Variants in LINGO2 observed in about 807,000 individuals in gnomAD.
LINGO2 encodes the protein leucine-rich repeat and immunoglobulin-like domain-containing nogo receptor-interacting protein 2.
LINGO2 carries 14 observed loss-of-function variants against 30.6 expected under a neutral mutation model. That is an observed-to-expected ratio of 0.46 (90% CI 0.30 to 0.72). LINGO2 has a LOEUF of 0.72. Ranked by LOEUF, LINGO2 falls within the 30% of genes least tolerant of loss-of-function variation. The pLI is 0.07. For synonymous variants in LINGO2, 317 were observed against 288.5 expected (o/e 1.10, Z -1.00); for missense variants, 729 against 751.7 (o/e 0.97, Z 0.35).
At chr9:28,793,768 A>G in the LINGO2 span, among the ~76,000 whole-genome samples, 2 of 152,148 alleles carry the variant, frequency 1.3e-5, no homozygotes, top group African/African-American at 4.8e-5. Context: ...TAGCAAAGAT[A>G]TCACCCTGGA....
At chr9:28,127,962 T>C (rs1349021660) in intron 4 of LINGO2, among the ~76,000 whole-genome samples, 2 of 152,164 alleles carry the variant, frequency 1.3e-5, no homozygotes, top group Non-Finnish European at 2.9e-5. Flanking sequence ...AGAGAGGAAA[T>C]TCAGTCATGC....
the LINGO2 span, among the ~76,000 whole-genome samples, chr9:28,826,464 A>G: frequency 6.6e-6 from 1 of 152,112 alleles, no homozygotes; most frequent in Non-Finnish European, 1.5e-5. Context: ...GGATATTGGG[A>G]TCTGCAGAAC....
chr9:29,062,617 T>C, the LINGO2 span, among the ~76,000 whole-genome samples: 1 of 152,098 alleles, frequency 6.6e-6, no homozygotes, highest in Non-Finnish European at 1.5e-5. Flanking sequence ...TTCACTTACA[T>C]GAGATGCCTA....
At chr9:28,313,912 A>T (rs1314781257) in intron 3 of LINGO2, among the ~76,000 whole-genome samples, 3 of 152,102 alleles carry the variant, frequency 2.0e-5, no homozygotes, top group African/African-American at 7.2e-5. Context: ...TGAGAATTTC[A>T]AACACTGTGA....
chr9:28,315,287 C>A (rs1448960655), intron 3 of LINGO2, among the ~76,000 whole-genome samples: 2 of 151,914 alleles, frequency 1.3e-5, no homozygotes, highest in East Asian at 3.9e-4. Flanking sequence ...CGCCTGTAAT[C>A]CTAGCTACTC....
rs185712660 is a variant in LINGO2, at chr9:28,038,464, C to T, written c.-86-26059G>A. ...ATCCCAGCACTTTGGGAGGCCGAGG[C>T]GGGCGGATCACGAGGTCAGGAGATC... On this transcript the variant is annotated intron_variant, in intron 4 of 5. Coordinates refer to ENST00000379992, the Ensembl canonical transcript of LINGO2. Among the ~76,000 whole-genome samples, 1,360 of 152,102 alleles carry T rather than the reference C, an allele frequency of 8.9e-3. 21 individuals carry two copies. The highest frequency in any genetic ancestry group is 0.03 in the African/African-American group (1,255 of 41,512).
chr9:29,078,263 A>G, the LINGO2 span, among the ~76,000 whole-genome samples: 1 of 151,954 alleles, frequency 6.6e-6, no homozygotes, highest in African/African-American at 2.4e-5. Flanking sequence ...TCATTTAGTT[A>G]GTGCTGAATG....
chr9:28,079,644 T>C (rs1165948273), intron 4 of LINGO2, among the ~76,000 whole-genome samples: 1 of 152,194 alleles, frequency 6.6e-6, no homozygotes, highest in Non-Finnish European at 1.5e-5. Context: ...CCAGGATAGA[T>C]GTGAGCTCCT....
At chr9:28,107,366 G>C (rs1238691011) in intron 4 of LINGO2, among the ~76,000 whole-genome samples, 1 of 151,876 alleles carries the variant, frequency 6.6e-6, no homozygotes, top group Non-Finnish European at 1.5e-5. Context: ...TTTTTCTTTG[G>C]TATTGCCATT....
the LINGO2 span, among the ~76,000 whole-genome samples, chr9:28,885,901 C>T: frequency 4.6e-5 from 7 of 152,214 alleles, no homozygotes; most frequent in East Asian, 1.4e-3. Context: ...AAACCAGATC[C>T]ACTTTCACTA....
At chr9:29,105,253 A>C in the LINGO2 span, among the ~76,000 whole-genome samples, 28 of 152,328 alleles carry the variant, frequency 1.8e-4, no homozygotes, top group African/African-American at 6.5e-4. Context: ...ATCTTTATCC[A>C]CATTATCAAT....
chr9:28,370,412 AT>A (rs200948351), intron 3 of LINGO2, among the ~76,000 whole-genome samples: 1 of 151,658 alleles, frequency 6.6e-6, no homozygotes, highest in Non-Finnish European at 1.5e-5. Flanking sequence ...TCCTTCAGTG[AT>A]TTTTTTTTCT....
At chr9:28,100,083 C>A (rs1402949040) in intron 4 of LINGO2, among the ~76,000 whole-genome samples, 2 of 152,158 alleles carry the variant, frequency 1.3e-5, no homozygotes, top group African/African-American at 4.8e-5. Context: ...TGTTTCAAAT[C>A]TGTTTTCCCA....
At chr9:28,720,070 G>C in the LINGO2 span, among the ~76,000 whole-genome samples, 1,019 of 152,070 alleles carry the variant, frequency 6.7e-3, 20 homozygotes, top group African/African-American at 0.023. Flanking sequence ...TGTAGCTGAA[G>C]TTATTTTCTT....
intron 1 of LINGO2, among the ~76,000 whole-genome samples, chr9:28,552,892 A>C (rs1428903572): frequency 6.6e-6 from 1 of 151,820 alleles, no homozygotes; most frequent in Non-Finnish European, 1.5e-5. Context: ...CATTAAAAAA[A>C]AAAAAATCTG....
chr9:28,982,748 A>T, the LINGO2 span, among the ~76,000 whole-genome samples: 1 of 152,058 alleles, frequency 6.6e-6, no homozygotes, highest in African/African-American at 2.4e-5. Flanking sequence ...CACAAAGGAG[A>T]ATTATTTCAT....
chr9:28,439,746 CT>C (rs954029879), intron 2 of LINGO2, among the ~76,000 whole-genome samples: 5 of 152,090 alleles, frequency 3.3e-5, no homozygotes, highest in Admixed American at 6.6e-5. Context: ...CCAATCAAAC[CT>C]TTTTTCTTCA....
At chr9:29,160,303 G>A in the LINGO2 span, among the ~76,000 whole-genome samples, 1 of 152,174 alleles carries the variant, frequency 6.6e-6, no homozygotes, top group East Asian at 1.9e-4. Flanking sequence ...ACTAGTTAAG[G>A]TTGTTTCTGA....
chr9:28,626,826 T>TGTG (rs1554647197), intron 1 of LINGO2, among the ~76,000 whole-genome samples: 9,334 of 150,600 alleles, frequency 0.062, 309 homozygotes, highest in Middle Eastern at 0.089. Context: ...AAAAATTCTA[T>TGTG]TGTGTGTGTG....
Sources: allele counts gnomAD v4.1 joint callset (sites outside exome capture counted in the v4.1 genomes callset), GRCh38; gene constraint gnomAD v4.1.1; transcripts MANE v1.5; gene names NCBI Gene and HGNC (gene_info 2026-07-23, HGNC 2026-07-21).